The following DENND2C variants were observed in gnomAD, a reference collection of about 807,000 sequenced individuals.
The protein encoded by DENND2C is DENN domain-containing protein 2C.
In DENND2C, 72 loss-of-function variants were observed where a neutral mutation model predicts 112.4. That is an observed-to-expected ratio of 0.64 (90% confidence interval 0.53 to 0.78). DENND2C has a LOEUF of 0.78. Ranked by LOEUF, DENND2C falls within the 30% of genes least tolerant of loss-of-function variation. DENND2C has a pLI of 0.00. For synonymous variants in DENND2C, 329 were observed against 381.6 expected (o/e 0.86, Z 1.61); for missense variants, 992 against 1,113.8 (o/e 0.89, Z 1.56).
rs191148414 is a variant in DENND2C at position 114,637,794 on chromosome 1, C to T, written c.-205+7654G>A. Among the ~76,000 whole-genome samples the T allele has an allele frequency of 5.4e-3, 814 of 152,146 alleles. 11 individuals carry two copies. Among genetic ancestry groups the T allele is most frequent in the Non-Finnish European group, 5.6e-3 (378 of 67,996 alleles). On this transcript the variant is annotated intron_variant, in intron 3 of 20. Transcript: ENST00000393274. ...CCTCCCAAAGTGCTAGGATTACAGG[C>T]GTGAACCACTGGGCCTGGCTAGGAA...
intron 16 of DENND2C, among the ~76,000 whole-genome samples, chr1:114,597,393 G>A (rs563795536): frequency 2.0e-5 from 3 of 151,316 alleles, no homozygotes; most frequent in Non-Finnish European, 4.4e-5. Flanking sequence ...GCAGTGAGCC[G>A]AGATCACACC....
intron 11 of DENND2C, among the ~76,000 whole-genome samples, chr1:114,602,577 T>G (rs1655543183): frequency 6.6e-6 from 1 of 152,198 alleles, no homozygotes; most frequent in South Asian, 2.1e-4. Context: ...TTTATTTTTA[T>G]TTTTTAAGAC....
intron 8 of DENND2C, among the ~76,000 whole-genome samples, chr1:114,614,551 ACAG>A (rs1168961366): frequency 1.3e-5 from 2 of 152,164 alleles, no homozygotes; most frequent in African/African-American, 2.4e-5. Flanking sequence ...TTTGTTTTGG[ACAG>A]CAGAAGTTGG....
intron 3 of DENND2C, among the ~76,000 whole-genome samples, chr1:114,636,252 A>C (rs919758758): frequency 3.9e-5 from 6 of 152,170 alleles, no homozygotes; most frequent in African/African-American, 1.4e-4. Flanking sequence ...TAAAGTATCT[A>C]TAAATAAAAA....
chr1:114,629,434 C>A (rs974801776), intron 3 of DENND2C, among the ~76,000 whole-genome samples: 4 of 152,134 alleles, frequency 2.6e-5, no homozygotes, highest in Non-Finnish European at 5.9e-5. Flanking sequence ...CCCATCACCA[C>A]ACCCAGCTAG....
chr1:114,591,195 T>C (rs1655179938), intron 18 of DENND2C, among the ~76,000 whole-genome samples: 2 of 152,308 alleles, frequency 1.3e-5, no homozygotes, highest in Non-Finnish European at 2.9e-5. Flanking sequence ...CTTGAACTCC[T>C]GGGCTCAAGT....
chr1:114,647,773 A>T lies in DENND2C; in HGVS notation c.-316-2214T>A, dbSNP rs528851910. ...TACTTATTAAGTGTTTACATTTGCC[A>T]GGCACCATGCTATGTATCTACTTTC... On this transcript the variant is annotated intron_variant, in intron 2 of 20. Transcript: ENST00000393274. 2.6e-5 allele frequency among the ~76,000 whole-genome samples: 4 copies of T among 152,112 alleles called. No homozygotes were observed. The South Asian group carries it at 8.3e-4, about 32-fold the overall frequency.
chr1:114,585,500 T>A lies in DENND2C; in HGVS notation c.*100A>T. 7.4e-7 allele frequency: 1 copy of A among 1,343,778 alleles called. No individual in the cohort carries two copies. The highest frequency in any genetic ancestry group is 2.3e-5 in the East Asian group (1 of 43,382). The allele number at this position is 1,343,778 out of a possible 1,614,324, so 83.2% of individuals were successfully genotyped here. ...ACTCGCTCTTTAACCTTTTAAAATT[T>A]CAAGAATTTTGTAGAATACTTCATG... On this transcript the variant is annotated 3_prime_UTR_variant, in exon 21 of 21. Transcript: ENST00000393274.
intron 3 of DENND2C, among the ~76,000 whole-genome samples, chr1:114,628,978 T>C (rs1656418552): frequency 6.6e-6 from 1 of 152,256 alleles, no homozygotes; most frequent in South Asian, 2.1e-4. Context: ...AGCCAACTTA[T>C]TTGTATACTT....
rs1654952266 is a variant in DENND2C at position 114,583,419 on chromosome 1, CA to C, written c.*2180del. ...AACCATCAGCAGAAACTGAAGAAAA[CA>C]AACTGACATTTGCTATAACATTAAT... On this transcript the variant is annotated 3_prime_UTR_variant, in exon 21 of 21. Coordinates refer to ENST00000393274, the MANE Select transcript of DENND2C (RefSeq NM_001256404.2). The C allele has an allele frequency of 6.6e-6, 1 of 151,980 alleles. No individual in the cohort carries two copies. The highest frequency in any genetic ancestry group is 1.5e-5 in the Non-Finnish European group (1 of 68,016). 9.4% of individuals were successfully genotyped at this position (151,980 alleles called of 1,614,324 possible). A position where few individuals can be genotyped will look rare whatever the true frequency, so the allele number is the denominator to read the frequency against.
chr1:114,640,149 C>T (rs1478604043), intron 3 of DENND2C, among the ~76,000 whole-genome samples: 1 of 152,192 alleles, frequency 6.6e-6, no homozygotes, highest in Non-Finnish European at 1.5e-5. Context: ...CAACGATTTA[C>T]ACCATTAACT....
intron 2 of DENND2C, among the ~76,000 whole-genome samples, chr1:114,648,976 CAG>C (rs1657076083): frequency 6.7e-6 from 1 of 149,186 alleles, no homozygotes; most frequent in African/African-American, 2.5e-5. Flanking sequence ...TTTTTTGAGA[CAG>C]AGTCTCACTC....
intron 3 of DENND2C, among the ~76,000 whole-genome samples, chr1:114,627,536 G>C (rs1190118023): frequency 6.6e-6 from 1 of 150,954 alleles, no homozygotes; most frequent in Non-Finnish European, 1.5e-5. Context: ...CAAATTTCTG[G>C]GAAAACCAGC....
In DENND2C at chr1:114,610,826, TC is replaced by T. The variant is rs548292309; in HGVS notation, c.1369+246del. ...CTCTCTGCCGCTCCCCTAAGAATATTCCATCATAAGAACCATACTGTTTTGC... is the reference window on the plus strand; with the variant it reads ...CTCTCTGCCGCTCCCCTAAGAATATTCATCATAAGAACCATACTGTTTTGC... On this transcript the variant is annotated intron_variant, in intron 9 of 20. Coordinates refer to ENST00000393274, the MANE Select transcript of DENND2C (RefSeq NM_001256404.2). 2.1e-3 allele frequency among the ~76,000 whole-genome samples: 319 copies of T among 152,280 alleles called. 2 individuals are homozygous for T. Among genetic ancestry groups the T allele is most frequent in the African/African-American group, 7.1e-3 (294 of 41,556 alleles).
intron 8 of DENND2C, among the ~76,000 whole-genome samples, chr1:114,615,529 G>C (rs1047284999): frequency 6.6e-6 from 1 of 152,154 alleles, no homozygotes; most frequent in Admixed American, 6.5e-5. Context: ...AATATGTAAA[G>C]AAACTATTAC....
intron 1 of DENND2C, among the ~76,000 whole-genome samples, chr1:114,659,110 A>T (rs145746781): frequency 6.6e-6 from 1 of 152,160 alleles, no homozygotes; most frequent in African/African-American, 2.4e-5. Context: ...TCTCTTCAGG[A>T]AAATAACAAC....
In DENND2C at chr1:114,626,021, C is replaced by CA; in HGVS notation, c.-38dup. On this transcript the variant is annotated 5_prime_UTR_variant, in exon 4 of 21. It removes the in-frame stop codon of an upstream open reading frame in the 5' UTR. Coordinates refer to ENST00000393274, the MANE Select transcript of DENND2C (RefSeq NM_001256404.2). ...GGTGAATGACAAGTGATGAATCTTA[C>CA]AAAGGTTCCATTACAAGTAAATGTG... 1 of 1,537,462 alleles carries CA rather than the reference C, an allele frequency of 6.5e-7. No individual in the cohort carries two copies. Among genetic ancestry groups the CA allele is most frequent in the Non-Finnish European group, 8.8e-7 (1 of 1,131,360 alleles).
At chr1:114,636,750 GTT>G (rs201267999) in intron 3 of DENND2C, among the ~76,000 whole-genome samples, 1 of 148,890 alleles carries the variant, frequency 6.7e-6, no homozygotes, top group Non-Finnish European at 1.5e-5. Flanking sequence ...AAGTAAAGCT[GTT>G]TTTTTTTTCC....
intron 8 of DENND2C, among the ~76,000 whole-genome samples, chr1:114,616,619 C>A (rs777613143): frequency 6.6e-6 from 1 of 152,022 alleles, no homozygotes; most frequent in Non-Finnish European, 1.5e-5. Context: ...CTTTGAGAGG[C>A]TGAGCTGGTG....
Sources: allele counts gnomAD v4.1 joint callset (sites outside exome capture counted in the v4.1 genomes callset), GRCh38; gene constraint gnomAD v4.1.1; transcripts MANE v1.5; gene names NCBI Gene and HGNC (gene_info 2026-07-23, HGNC 2026-07-21).